Variants in ROBO2 observed in about 807,000 individuals in gnomAD.
ROBO2 encodes roundabout guidance receptor 2.
ROBO2 carries 53 observed loss-of-function variants against 160.8 expected under a neutral mutation model. The observed-to-expected ratio is 0.33, with a 90% CI of 0.26 to 0.41. ROBO2 has a LOEUF of 0.41. Ranked by LOEUF, ROBO2 falls within the 10% of genes least tolerant of loss-of-function variation. ROBO2 has a pLI of 1.00. For missense variants in ROBO2, 1,577 were observed against 1,722.4 expected (o/e 0.92, Z 1.49); for synonymous variants, 664 against 611.7 (o/e 1.09, Z -1.26).
chr3:76,465,679 T>G lies in ROBO2; in HGVS notation c.109+528077T>G, dbSNP rs994610756. Among the ~76,000 whole-genome samples the G allele has an allele frequency of 2.0e-5, 3 of 152,058 alleles. No individual in the cohort carries two copies. In the East Asian group the frequency reaches 5.8e-4, roughly 29 times the overall value. On this transcript the variant is annotated intron_variant, in intron 2 of 26. Coordinates refer to the ROBO2 transcript ENST00000487694. ...ATAACACTCCTGATATTCGTCAGGTTGAAGAACCACCATTTTAATATAATT... is the reference window on the plus strand; with the variant it reads ...ATAACACTCCTGATATTCGTCAGGTGGAAGAACCACCATTTTAATATAATT...
At chr3:76,104,613 T>C (rs1304039254) in intron 2 of ROBO2, among the ~76,000 whole-genome samples, 1 of 151,912 alleles carries the variant, frequency 6.6e-6, no homozygotes, top group Non-Finnish European at 1.5e-5. Flanking sequence ...AAAATAATCA[T>C]CTTAGCAAGT....
At chr3:75,976,081 C>T (rs1352773131) in intron 2 of ROBO2, among the ~76,000 whole-genome samples, 1 of 151,522 alleles carries the variant, frequency 6.6e-6, no homozygotes, top group Non-Finnish European at 1.5e-5. Context: ...TGAGCCTTCA[C>T]TGGAGAGGAG....
intron 2 of ROBO2, among the ~76,000 whole-genome samples, chr3:75,945,232 G>A (rs1212191172): frequency 2.6e-5 from 4 of 152,146 alleles, no homozygotes; most frequent in African/African-American, 4.8e-5. Context: ...AGTATCGTAA[G>A]TTAGATGGTG....
intron 2 of ROBO2, among the ~76,000 whole-genome samples, chr3:76,258,652 A>C: frequency 6.6e-6 from 1 of 151,796 alleles, no homozygotes; most frequent in East Asian, 1.9e-4. Context: ...TCATTTCTTC[A>C]TCTCCTTTTT....
chr3:77,346,058 G>T (rs567116142), intron 2 of ROBO2, among the ~76,000 whole-genome samples: 1 of 152,152 alleles, frequency 6.6e-6, no homozygotes, highest in African/African-American at 2.4e-5. Context: ...ATAATACTCT[G>T]TGTTACTAAA....
At chr3:76,601,863 T>C (rs2087173930) in intron 2 of ROBO2, among the ~76,000 whole-genome samples, 1 of 152,220 alleles carries the variant, frequency 6.6e-6, no homozygotes, top group Non-Finnish European at 1.5e-5. Flanking sequence ...TCACATTGTC[T>C]GGGTTCAAGT....
chr3:76,070,032 G>A (rs758554781), intron 2 of ROBO2, among the ~76,000 whole-genome samples: 23 of 152,118 alleles, frequency 1.5e-4, no homozygotes, highest in Non-Finnish European at 3.2e-4. Flanking sequence ...AATCCTGTCA[G>A]ATGAGGAGGA....
At chr3:76,122,674 A>AT (rs1427575386) in intron 2 of ROBO2, among the ~76,000 whole-genome samples, 1 of 151,878 alleles carries the variant, frequency 6.6e-6, no homozygotes, top group Non-Finnish European at 1.5e-5. Context: ...GTCCTTACTT[A>AT]TTTTTTCCTT....
At position 76,571,039 on chromosome 3, in the gene ROBO2, G is replaced by A. The variant is rs367670387; in HGVS notation, c.110-526975G>A. ...AAAATATCATGTGCTTCATAACTCC[G>A]GAAGATGAGAGATCATATTTGCACA... On this transcript the variant is annotated intron_variant, in intron 2 of 26. Coordinates refer to the ROBO2 transcript ENST00000487694. Among the ~76,000 whole-genome samples, 49 of 152,168 alleles carry A rather than the reference G, an allele frequency of 3.2e-4. 2 individuals carry two copies. The highest frequency in any genetic ancestry group is 2.7e-3 in the South Asian group (13 of 4,830).
intron 2 of ROBO2, among the ~76,000 whole-genome samples, chr3:76,123,492 A>T (rs2070837185): frequency 1.3e-5 from 2 of 152,134 alleles, no homozygotes; most frequent in South Asian, 4.2e-4. Flanking sequence ...ACTTCATGGG[A>T]TGTTTTTTTC....
intron 1 of ROBO2, among the ~76,000 whole-genome samples, chr3:77,083,858 A>C (rs777708432): frequency 8.6e-5 from 13 of 151,284 alleles, no homozygotes; most frequent in Non-Finnish European, 4.5e-5. Flanking sequence ...TGAGTTGATG[A>C]CTGAGCATTC....
intron 2 of ROBO2, among the ~76,000 whole-genome samples, chr3:76,211,287 A>G (rs567288654): frequency 3.0e-4 from 46 of 152,268 alleles, no homozygotes; most frequent in Non-Finnish European, 2.5e-4. Context: ...ATAATTAAAC[A>G]TATAGAGTGA....
intron 2 of ROBO2, among the ~76,000 whole-genome samples, chr3:76,326,388 G>T (rs566700804): frequency 6.6e-6 from 1 of 152,112 alleles, no homozygotes; most frequent in South Asian, 2.1e-4. Flanking sequence ...ATGTAGATAG[G>T]CAGATAAATG....
At chr3:75,961,095 G>A (rs138953653) in intron 2 of ROBO2, among the ~76,000 whole-genome samples, 19 of 151,768 alleles carry the variant, frequency 1.3e-4, no homozygotes, top group African/African-American at 4.6e-4. Flanking sequence ...AATAAACACA[G>A]CAGATGATTT....
intron 2 of ROBO2, among the ~76,000 whole-genome samples, chr3:77,143,630 C>T (rs1043338462): frequency 3.9e-5 from 6 of 152,062 alleles, no homozygotes; most frequent in African/African-American, 1.4e-4. Flanking sequence ...CTTCTTTTAG[C>T]TGTGTTTAAT....
At chr3:77,050,361 A>T (rs1191963670) in intron 1 of ROBO2, among the ~76,000 whole-genome samples, 1 of 148,670 alleles carries the variant, frequency 6.7e-6, no homozygotes, top group Non-Finnish European at 1.5e-5. Context: ...AATGCCAGCA[A>T]CAACAAGCTA....
chr3:77,294,427 T>C (rs55713584), intron 2 of ROBO2, among the ~76,000 whole-genome samples: 1 of 102,434 alleles, frequency 9.8e-6, no homozygotes, highest in Non-Finnish European at 1.9e-5. Flanking sequence ...AAACGGGAAG[T>C]TGAGCCTAGA....
chr3:77,183,257 A>G (rs1158358536), intron 2 of ROBO2, among the ~76,000 whole-genome samples: 1 of 152,076 alleles, frequency 6.6e-6, no homozygotes, highest in Non-Finnish European at 1.5e-5. Flanking sequence ...ACATTCTCCA[A>G]TGTTGCTGTA....
intron 2 of ROBO2, among the ~76,000 whole-genome samples, chr3:77,470,262 C>T (rs1164261965): frequency 1.3e-5 from 2 of 152,132 alleles, no homozygotes; most frequent in East Asian, 3.8e-4. Flanking sequence ...GACATGATCA[C>T]ATTTGCATTT....
Sources: allele counts gnomAD v4.1 joint callset (sites outside exome capture counted in the v4.1 genomes callset), GRCh38; gene constraint gnomAD v4.1.1; transcripts MANE v1.5; gene names NCBI Gene and HGNC (gene_info 2026-07-23, HGNC 2026-07-21).